The following SLC1A1 variants were observed in gnomAD, a reference collection of about 807,000 sequenced individuals.
The protein encoded by SLC1A1 is excitatory amino acid transporter 3.
SLC1A1 carries 43 observed loss-of-function variants against 53.3 expected under a neutral mutation model. The ratio of observed to expected loss-of-function variants is 0.81; its 90% confidence interval spans 0.63 to 1.04. The LOEUF is 1.04. SLC1A1 is among the 50% of genes least tolerant of loss of function. SLC1A1 has a pLI of 0.00. For synonymous variants in SLC1A1, 307 were observed against 243.2 expected (o/e 1.26, Z -2.44); for missense variants, 748 against 664.9 (o/e 1.12, Z -1.37).
intron 11 of SLC1A1, 103 bp from the exon 12 acceptor site, chr9:4,585,209 C>T: frequency 6.7e-7 from 1 of 1,498,880 alleles, no homozygotes; most frequent in Non-Finnish European, 9.3e-7. Flanking sequence ...ACTTTCTGCA[C>T]TTACTGAAAT....
At chr9:4,568,640 G>C (rs1819720710) in intron 6 of SLC1A1, among the ~76,000 whole-genome samples, 1 of 150,576 alleles carries the variant, frequency 6.6e-6, no homozygotes, top group Non-Finnish European at 1.5e-5. Flanking sequence ...AGGATCGTTT[G>C]AGCTATGATT....
chr9:4,583,277 GC>G lies in SLC1A1; in HGVS notation c.1328+107del. On this transcript the variant is annotated intron_variant, in intron 11 of 11. Transcript: ENST00000262352. The surrounding 1 kb of genome is among the most constrained non-coding windows in gnomAD (Gnocchi z 4.6). ...ATTCTCTCCTCAGATTGCCTAATGA[GC>G]CACCTGTTGCTGCTTTAATTTTCCT... is the stretch of plus-strand genomic sequence containing the variant. The G allele has an allele frequency of 1.4e-6, 2 of 1,392,550 alleles. No individual in the cohort carries two copies. The highest frequency in any genetic ancestry group is 1.0e-6 in the Non-Finnish European group (1 of 983,046). 86.3% of individuals were successfully genotyped at this position (1,392,550 alleles called of 1,614,324 possible).
Position 4,576,504 on chromosome 9 carries a change from T to C in SLC1A1, c.999-65T>C, listed in dbSNP as rs1010360168. 3.0e-6 allele frequency: 4 copies of C among 1,342,132 alleles called. No homozygotes were observed. The African/African-American group carries it at 4.3e-5, about 14-fold the overall frequency. 83.1% of individuals were successfully genotyped at this position (1,342,132 alleles called of 1,614,324 possible). On this transcript the variant is annotated intron_variant, in intron 9 of 11. Coordinates refer to ENST00000262352, the MANE Select transcript of SLC1A1 (RefSeq NM_004170.6). The stretch of plus-strand genomic sequence containing the variant: ...GTTTACTTTTTGGAAGACAGGCATG[T>C]CTTCAGGCAGGGACTAAGGTCCAGC...
At chr9:4,535,669 A>G (rs1273927860) in intron 1 of SLC1A1, among the ~76,000 whole-genome samples, 6 of 152,140 alleles carry the variant, frequency 3.9e-5, no homozygotes, top group Non-Finnish European at 7.4e-5. Flanking sequence ...ATCCCCATCA[A>G]GCTACCAATG....
chr9:4,571,428 C>T (rs1421557939), intron 6 of SLC1A1, among the ~76,000 whole-genome samples: 1 of 152,152 alleles, frequency 6.6e-6, no homozygotes, highest in Non-Finnish European at 1.5e-5. Flanking sequence ...GTAATCCCAG[C>T]ACTTTGAGAG....
intron 1 of SLC1A1, among the ~76,000 whole-genome samples, chr9:4,512,437 G>T (rs1432335670): frequency 6.6e-6 from 1 of 152,118 alleles, no homozygotes; most frequent in Non-Finnish European, 1.5e-5. Flanking sequence ...GAGCCCGGGA[G>T]ATTGAAGCTG....
At chr9:4,523,837 T>G (rs1816168481) in intron 1 of SLC1A1, among the ~76,000 whole-genome samples, 1 of 152,222 alleles carries the variant, frequency 6.6e-6, no homozygotes, top group Non-Finnish European at 1.5e-5. Flanking sequence ...CCCATTGTTA[T>G]AGGTGAGGAA....
rs886151101 is a variant in SLC1A1, at chr9:4,586,422, G to A, written c.*864G>A. The A allele has an allele frequency of 6.6e-6, 1 of 152,108 alleles. No homozygotes were observed. The highest frequency in any genetic ancestry group is 1.5e-5 in the Non-Finnish European group (1 of 68,028). The allele number at this position is 152,108 out of a possible 1,614,324, so 9.4% of individuals were successfully genotyped here. A position where few individuals can be genotyped will look rare whatever the true frequency, so the allele number is the denominator to read the frequency against. On this transcript the variant is annotated 3_prime_UTR_variant, in exon 12 of 12. Coordinates refer to ENST00000262352, the MANE Select transcript of SLC1A1 (RefSeq NM_004170.6). ...CATGTTGTTCGATCGTTTCACATCT[G>A]TATATCAGCTCTAAAGCAGAGATGT...
chr9:4,532,603 T>C (rs1047628186), intron 1 of SLC1A1, among the ~76,000 whole-genome samples: 3 of 152,136 alleles, frequency 2.0e-5, no homozygotes, highest in Non-Finnish European at 4.4e-5. Context: ...TACCTGAAAG[T>C]GATGGGGAGA....
At chr9:4,576,496 C>T in intron 9 of SLC1A1, 73 bp from the exon 10 acceptor site, 1 of 1,246,770 alleles carries the variant, frequency 8.0e-7, no homozygotes. Context: ...TTTTGGAAGA[C>T]AGGCATGTCT....
At chr9:4,553,965 T>G (rs141843016) in intron 2 of SLC1A1, 1 of 152,334 alleles carries the variant, frequency 6.6e-6, no homozygotes, top group Non-Finnish European at 1.5e-5. Flanking sequence ...TGCCCTGGAT[T>G]AACAAAGTAA....
At chr9:4,520,167 G>A (rs1172859367) in intron 1 of SLC1A1, among the ~76,000 whole-genome samples, 1 of 152,068 alleles carries the variant, frequency 6.6e-6, no homozygotes, top group African/African-American at 2.4e-5. Flanking sequence ...CTTCATTTGG[G>A]TTTTCAAATT....
chr9:4,534,546 G>C lies in SLC1A1; in HGVS notation c.92-10021G>C, dbSNP rs544920292. Among the ~76,000 whole-genome samples the C allele has an allele frequency of 1.4e-3, 206 of 152,098 alleles. 1 individual carries two copies. The highest frequency in any genetic ancestry group is 2.4e-3 in the Non-Finnish European group (165 of 67,996). Reference sequence around the variant, plus strand: ...GAATCTCTGAATAGACCAATAACAGGCTCTGAAATTGAGGCAATAATTAAT... The same window carrying C: ...GAATCTCTGAATAGACCAATAACAGCCTCTGAAATTGAGGCAATAATTAAT... On this transcript the variant is annotated intron_variant, in intron 1 of 11. Transcript: ENST00000262352.
At chr9:4,540,938 G>C (rs1042762479) in intron 1 of SLC1A1, among the ~76,000 whole-genome samples, 2 of 152,190 alleles carry the variant, frequency 1.3e-5, no homozygotes, top group African/African-American at 4.8e-5. Context: ...TTATGGCCCA[G>C]GTTCCACACC....
chr9:4,564,722 C>T (rs562861290), intron 4 of SLC1A1, among the ~76,000 whole-genome samples: 109 of 152,254 alleles, frequency 7.2e-4, no homozygotes, highest in Non-Finnish European at 5.6e-4. Context: ...CAGAGAGATG[C>T]TGGGATGGAT....
chr9:4,511,997 T>C (rs1821014540), intron 1 of SLC1A1, among the ~76,000 whole-genome samples: 1 of 152,230 alleles, frequency 6.6e-6, no homozygotes, highest in Non-Finnish European at 1.5e-5. Flanking sequence ...ATTAGGTATG[T>C]AACAAAATAT....
intron 1 of SLC1A1, among the ~76,000 whole-genome samples, chr9:4,499,209 G>A (rs924553372): frequency 4.0e-5 from 6 of 151,172 alleles, no homozygotes; most frequent in East Asian, 3.9e-4. Context: ...CACACCCAGC[G>A]AATTTTTGTA....
chr9:4,567,572 T>C lies in SLC1A1; in HGVS notation c.484-97T>C, dbSNP rs537101123. On this transcript the variant is annotated intron_variant, in intron 5 of 11. Transcript: ENST00000262352. Reference sequence around the variant, plus strand: ...TGGATGTAGATCCCTTCAGTGGCACTGTTTGGCCAAAATAACATGTTCCTG... The same window carrying C: ...TGGATGTAGATCCCTTCAGTGGCACCGTTTGGCCAAAATAACATGTTCCTG... 6.5e-6 allele frequency: 5 copies of C among 770,896 alleles called. No individual in the cohort carries two copies. In the East Asian group the frequency reaches 8.1e-5, roughly 12 times the overall value. The allele number at this position is 770,896 out of a possible 1,614,324, so 47.8% of individuals were successfully genotyped here.
chr9:4,523,641 G>C (rs947538394), intron 1 of SLC1A1, among the ~76,000 whole-genome samples: 1 of 152,140 alleles, frequency 6.6e-6, no homozygotes, highest in African/African-American at 2.4e-5. Context: ...TGACTTACCT[G>C]TCAAAGCCAA....
Sources: gnomAD v4.1 joint callset for allele counts (sites outside exome capture counted in the v4.1 genomes callset) on GRCh38, gnomAD v4.1.1 for gene constraint, Gnocchi (gnomAD v3.1) non-coding constraint, MANE v1.5 for transcripts, NCBI Gene and HGNC (gene_info 2026-07-23, HGNC 2026-07-21) for gene names.